SCFD1: variants seen among roughly 807,000 people sequenced by gnomAD.
The protein encoded by SCFD1 is sec1 family domain-containing protein 1.
Under a neutral mutation model 103.2 loss-of-function variants are expected in SCFD1, and 37 were observed. That is an observed-to-expected ratio of 0.36 (90% confidence interval 0.28 to 0.47). SCFD1 has a LOEUF of 0.47. Among genes scored for constraint, SCFD1 ranks in the 20% least tolerant of loss-of-function variants. SCFD1 has a pLI of 1.00. For synonymous variants in SCFD1, 264 were observed against 245.0 expected, an observed-to-expected ratio of 1.08 and a Z score of -0.73; for missense variants, 639 against 761.2, an observed-to-expected ratio of 0.84 and a Z score of 1.89.
chr14:30,638,300 GT>G, intron 5 of SCFD1, 53 bp downstream of exon 5: 4 of 1,609,150 alleles, frequency 2.5e-6, no homozygotes, highest in Non-Finnish European at 3.4e-6. Flanking sequence ...ATTTAACACT[GT>G]TCTGAAACCC....
At chr14:30,694,469 T>A (rs1890547355) in intron 14 of SCFD1, among the ~76,000 whole-genome samples, 1 of 151,942 alleles carries the variant, frequency 6.6e-6, no homozygotes, top group African/African-American at 2.4e-5. Context: ...CTCAGGAGTT[T>A]AAGACCAGCC....
chr14:30,624,534 G>T lies in SCFD1; in HGVS notation c.61+2135G>T, dbSNP rs545297368. Among the ~76,000 whole-genome samples, 19 of 152,238 alleles carry T rather than the reference G, an allele frequency of 1.2e-4. No individual in the cohort carries two copies. In the South Asian group the frequency reaches 3.9e-3, roughly 32 times the overall value. On this transcript the variant is annotated intron_variant, in intron 1 of 24. Coordinates refer to ENST00000458591, the MANE Select transcript of SCFD1 (RefSeq NM_016106.4). ...TAAGATCTTTCAGTAAATCTTGTCAGTTCTACTCTGAAAATACATCCAGGA... is the reference window on the plus strand; with the variant it reads ...TAAGATCTTTCAGTAAATCTTGTCATTTCTACTCTGAAAATACATCCAGGA...
At chr14:30,642,110 C>G (rs2085812183) in intron 6 of SCFD1, among the ~76,000 whole-genome samples, 1 of 152,160 alleles carries the variant, frequency 6.6e-6, no homozygotes, top group African/African-American at 2.4e-5. Flanking sequence ...CACCCCGAGA[C>G]AGAGTCTCTC....
intron 4 of SCFD1, among the ~76,000 whole-genome samples, 173 bp downstream of exon 4, chr14:30,634,210 G>A (rs1396322285): frequency 6.6e-6 from 1 of 152,036 alleles, no homozygotes; most frequent in Non-Finnish European, 1.5e-5. Flanking sequence ...AAAACTTTTG[G>A]CTGAAGAAGT....
rs142816852 is a variant in SCFD1 at position 30,664,388 on chromosome 14, C to G, written c.856-5868C>G. 4.5e-3 allele frequency among the ~76,000 whole-genome samples: 691 copies of G among 152,236 alleles called. 7 individuals are homozygous for G. Among genetic ancestry groups the G allele is most frequent in the African/African-American group, 0.016 (647 of 41,558 alleles). ...AAGGACATCCACACCAAAACTGCATCTGTAGGTCACCATCATCAAAGACCA... is the reference window on the plus strand; with the variant it reads ...AAGGACATCCACACCAAAACTGCATGTGTAGGTCACCATCATCAAAGACCA... On this transcript the variant is annotated intron_variant, in intron 10 of 24. Transcript: ENST00000458591.
chr14:30,658,155 G>GT (rs1243024831), intron 10 of SCFD1: 17 of 447,020 alleles, frequency 3.8e-5, no homozygotes, highest in Non-Finnish European at 7.2e-5. Flanking sequence ...TTTTATCTCT[G>GT]TTTTTTTACT....
intron 18 of SCFD1, chr14:30,707,747 T>C (rs1322731299): frequency 6.0e-6 from 3 of 503,184 alleles, no homozygotes; most frequent in African/African-American, 5.9e-5. Context: ...TCTTTATTTT[T>C]GTATTTTTTA....
At chr14:30,656,384 G>C (rs1886905367) in intron 10 of SCFD1, among the ~76,000 whole-genome samples, 2 of 152,160 alleles carry the variant, frequency 1.3e-5, no homozygotes, top group African/African-American at 4.8e-5. Flanking sequence ...GAGCACTGTG[G>C]ACCAGGATTT....
In SCFD1 at chr14:30,630,580, A is replaced by G. The variant is rs751980882; in HGVS notation, c.221+15A>G. 7.9e-6 allele frequency: 11 copies of G among 1,394,138 alleles called. No homozygotes were observed. Among genetic ancestry groups the G allele is most frequent in the Admixed American group, 6.7e-5 (4 of 59,404 alleles). 86.4% of individuals were successfully genotyped at this position (1,394,138 alleles called of 1,614,324 possible). A position where few individuals can be genotyped will look rare whatever the true frequency, so the allele number is the denominator to read the frequency against. ...ACTCTGCATCTGTGAGTTTTTACAT[A>G]TTTCTAATAGTGGTATTCATTTAAA... On this transcript the variant is annotated intron_variant, in intron 3 of 24. Coordinates refer to ENST00000458591, the MANE Select transcript of SCFD1 (RefSeq NM_016106.4).
intron 14 of SCFD1, among the ~76,000 whole-genome samples, chr14:30,692,275 A>G (rs1393743949): frequency 6.6e-6 from 1 of 152,194 alleles, no homozygotes; most frequent in Non-Finnish European, 1.5e-5. Flanking sequence ...TCCTAGGGTT[A>G]AACAATTAAT....
intron 10 of SCFD1, among the ~76,000 whole-genome samples, chr14:30,654,774 A>G (rs543765317): frequency 6.6e-6 from 1 of 152,318 alleles, no homozygotes; most frequent in South Asian, 2.1e-4. Context: ...TAAATAAATC[A>G]GATTTAGAAT....
At chr14:30,644,551 G>T (rs1025148081) in intron 7 of SCFD1, among the ~76,000 whole-genome samples, 1 of 152,176 alleles carries the variant, frequency 6.6e-6, no homozygotes, top group Non-Finnish European at 1.5e-5. Flanking sequence ...TCTGACTGGT[G>T]TGAGATGGTA....
At chr14:30,726,947 G>C (rs1008273111) in intron 23 of SCFD1, among the ~76,000 whole-genome samples, 1 of 152,122 alleles carries the variant, frequency 6.6e-6, no homozygotes, top group Admixed American at 6.6e-5. Flanking sequence ...TTTATTGCTT[G>C]AATATAGTTT....
At chr14:30,654,217 C>G (rs528835772) in intron 10 of SCFD1, among the ~76,000 whole-genome samples, 2 of 152,298 alleles carry the variant, frequency 1.3e-5, no homozygotes, top group South Asian at 4.1e-4. Flanking sequence ...GTAATCAGGC[C>G]AGAATAGTCT....
At chr14:30,703,910 C>CATATATGTATATATATAT (rs1891248635) in intron 17 of SCFD1, among the ~76,000 whole-genome samples, 1 of 39,524 alleles carries the variant, frequency 2.5e-5, no homozygotes, top group Non-Finnish European at 6.4e-5. Flanking sequence ...GGAATATTTG[C>CATATATGTATATATATAT]ATATATATAT....
Position 30,639,503 on chromosome 14 carries a change from A to G in SCFD1, c.436-274A>G, listed in dbSNP as rs535786564. Among the ~76,000 whole-genome samples the G allele has an allele frequency of 2.0e-5, 3 of 152,292 alleles. No homozygotes were observed. The South Asian group carries it at 6.2e-4, about 32-fold the overall frequency. ...TGATATCCATTCCCATCACAACCAC[A>G]ATTTAAGTTCTTGTATCTGCTTAAA... On this transcript the variant is annotated intron_variant, in intron 5 of 24. Coordinates refer to ENST00000458591, the MANE Select transcript of SCFD1 (RefSeq NM_016106.4).
intron 21 of SCFD1, among the ~76,000 whole-genome samples, chr14:30,719,866 A>C (rs1392500869): frequency 1.3e-5 from 2 of 151,234 alleles, no homozygotes; most frequent in Non-Finnish European, 2.9e-5. Context: ...TTGGATGGTA[A>C]GATATCCTTA....
chr14:30,725,059 G>A (rs1488423599), intron 23 of SCFD1, among the ~76,000 whole-genome samples: 9 of 152,138 alleles, frequency 5.9e-5, no homozygotes, highest in Non-Finnish European at 1.2e-4. Flanking sequence ...TTTTGTACCA[G>A]TAGCATGCTG....
chr14:30,634,799 C>G (rs759858336), intron 4 of SCFD1: 52 of 455,848 alleles, frequency 1.1e-4, no homozygotes, highest in Non-Finnish European at 4.9e-5. Flanking sequence ...CTGTAGGCAT[C>G]AAATCTATGT....
Sources: allele counts gnomAD v4.1 joint callset (sites outside exome capture counted in the v4.1 genomes callset), GRCh38; gene constraint gnomAD v4.1.1; transcripts MANE v1.5; gene names NCBI Gene and HGNC (gene_info 2026-07-23, HGNC 2026-07-21).